MLLT1: variants seen among roughly 807,000 people sequenced by gnomAD.
MLLT1 encodes the protein protein ENL.
A neutral mutation model predicts 55.1 loss-of-function variants in MLLT1; 11 were observed. That is an observed-to-expected ratio of 0.20 (90% CI 0.13 to 0.33). MLLT1 has a LOEUF of 0.33. MLLT1 is among the 10% of genes least tolerant of loss of function. The pLI is 1.00. For missense variants in MLLT1, 536 were observed against 760.6 expected, an observed-to-expected ratio of 0.70 and a Z score of 3.47; for synonymous variants, 323 against 320.1, an observed-to-expected ratio of 1.01 and a Z score of -0.10.
At chr19:6,246,738 G>A (rs1432134504) in intron 3 of MLLT1, among the ~76,000 whole-genome samples, 6 of 152,100 alleles carry the variant, frequency 3.9e-5, no homozygotes, top group South Asian at 2.1e-4. Context: ...TAAACGTCAC[G>A]GAATACAAAT....
chr19:6,216,419 C>G lies in MLLT1; in HGVS notation c.1293G>C (p.Pro431=), dbSNP rs147009998. The G allele has an allele frequency of 2.4e-5, 38 of 1,606,896 alleles. No homozygotes were observed. The highest frequency in any genetic ancestry group is 3.0e-5 in the Non-Finnish European group (35 of 1,177,656). The change falls in exon 8 of 12, where the codon CCG becomes CCC. Residue 431 remains proline, a synonymous_variant. Transcript: ENST00000252674. ...SGEEAAGKTN[P]GRDSRLSFSD... Reference sequence around the variant, plus strand: ...CGGGCCGTCACCTGGAGTCCCTCCCCGGGTTGGTCTTGCCGGCAGCCTCCT... The same window carrying G: ...CGGGCCGTCACCTGGAGTCCCTCCCGGGGTTGGTCTTGCCGGCAGCCTCCT...
chr19:6,270,111 GGCACTCGT>G lies in MLLT1; in HGVS notation c.193+460_193+467del, dbSNP rs2091383105. ...AGACGCTGACAGAATACACGACTGA[GGCACTCGT>G]GCTGAATCAATGACGGCCTGAGGCT... On this transcript the variant is annotated intron_variant, in intron 2 of 11. Coordinates refer to ENST00000252674, the MANE Select transcript of MLLT1 (RefSeq NM_005934.4). This position sits in a 1 kb window ranked among gnomAD's most constrained non-coding sequence, Gnocchi z 7.1. 6.6e-6 allele frequency among the ~76,000 whole-genome samples: 1 copy of G among 152,190 alleles called. No individual in the cohort carries two copies. Among genetic ancestry groups the G allele is most frequent in the African/African-American group, 2.4e-5 (1 of 41,440 alleles).
At chr19:6,268,890 T>C (rs1373014125) in intron 2 of MLLT1, among the ~76,000 whole-genome samples, 1 of 152,168 alleles carries the variant, frequency 6.6e-6, no homozygotes, top group Non-Finnish European at 1.5e-5. Flanking sequence ...CCCCACTCAC[T>C]ACCCCACCTT....
rs79422852 is a variant in MLLT1 at position 6,227,568 on chromosome 19, G to A, written c.421-466C>T. 0.029 allele frequency among the ~76,000 whole-genome samples: 4,483 copies of A among 152,360 alleles called. 115 individuals are homozygous for A. The highest frequency in any genetic ancestry group is 0.046 in the Non-Finnish European group (3,119 of 68,030). On this transcript the variant is annotated intron_variant, in intron 4 of 11. Coordinates refer to ENST00000252674, the MANE Select transcript of MLLT1 (RefSeq NM_005934.4). This position sits in a 1 kb window ranked among gnomAD's most constrained non-coding sequence, Gnocchi z 5.1. ...AACTCCAGTGGGTCCCACGTGCCCG[G>A]AGAATGAGCCGTCCTTGGTGTGCGG...
At chr19:6,260,569 G>T (rs2091295926) in intron 3 of MLLT1, among the ~76,000 whole-genome samples, 1 of 152,266 alleles carries the variant, frequency 6.6e-6, no homozygotes, top group African/African-American at 2.4e-5. Context: ...GCCCACGGCG[G>T]AGCCAGGCAG....
chr19:6,265,762 C>T (rs773287705), intron 2 of MLLT1, among the ~76,000 whole-genome samples: 4 of 152,000 alleles, frequency 2.6e-5, no homozygotes, highest in Admixed American at 2.0e-4. Context: ...AGGCGGATCA[C>T]GAGGTTAACA....
chr19:6,278,865 C>T (rs1486718599), intron 1 of MLLT1, among the ~76,000 whole-genome samples: 2 of 152,090 alleles, frequency 1.3e-5, no homozygotes, highest in African/African-American at 4.8e-5. Flanking sequence ...GGGCCTGAAA[C>T]TAGAAGGGGG....
intron 5 of MLLT1, among the ~76,000 whole-genome samples, chr19:6,225,221 G>A (rs2090944090): frequency 6.6e-6 from 1 of 152,224 alleles, no homozygotes; most frequent in Admixed American, 6.5e-5. Flanking sequence ...GTGAAGTGGG[G>A]ACAAAACCCC....
chr19:6,254,223 A>G (rs1244319023), intron 3 of MLLT1, among the ~76,000 whole-genome samples: 1 of 152,238 alleles, frequency 6.6e-6, no homozygotes. Flanking sequence ...TGGAGTCTCC[A>G]TAAACACCTT....
intron 3 of MLLT1, among the ~76,000 whole-genome samples, chr19:6,241,259 G>A (rs2144898937): frequency 6.6e-6 from 1 of 152,250 alleles, no homozygotes; most frequent in South Asian, 2.1e-4. Context: ...CATCCCGAGA[G>A]CCCGTGTCCC....
rs1211045946 is a variant in MLLT1 at position 6,216,510 on chromosome 19, G to A, written c.1202C>T (p.Pro401Leu). ...FEPSQNHSQG[P>L]LRSMVEDLQS... ...CAGGTCCTCCACCATGGAGCGCAGG[G>A]GTCCTGGGGAGGCGGGGCAGGGAGG... Residue 401 changes from proline to leucine, a missense_variant, in exon 8 of 12, where the codon CCC becomes CTC. By Grantham distance (98) the Pro-to-Leu change is moderately conservative. Transcript: ENST00000252674. 6.3e-7 allele frequency: 1 copy of A among 1,590,674 alleles called. No individual in the cohort carries two copies. Among genetic ancestry groups the A allele is most frequent in the Non-Finnish European group, 8.6e-7 (1 of 1,169,240 alleles).
Position 6,227,566 on chromosome 19 carries a change from C to T in MLLT1, c.421-464G>A, listed in dbSNP as rs750229012. On this transcript the variant is annotated intron_variant, in intron 4 of 11. Coordinates refer to ENST00000252674, the MANE Select transcript of MLLT1 (RefSeq NM_005934.4). This position sits in a 1 kb window ranked among gnomAD's most constrained non-coding sequence, Gnocchi z 5.1. ...GCAACTCCAGTGGGTCCCACGTGCC[C>T]GGAGAATGAGCCGTCCTTGGTGTGC... Among the ~76,000 whole-genome samples the T allele has an allele frequency of 9.9e-5, 15 of 152,220 alleles. No individual in the cohort carries two copies. Among genetic ancestry groups the T allele is most frequent in the Admixed American group, 3.3e-4 (5 of 15,292 alleles).
rs78963381 is a variant in MLLT1 at position 6,257,267 on chromosome 19, G to T, written c.276+4961C>A. Among the ~76,000 whole-genome samples, 317 of 152,242 alleles carry T rather than the reference G, an allele frequency of 2.1e-3. 5 individuals are homozygous for T. The East Asian group carries it at 0.055, about 27-fold the overall frequency. On this transcript the variant is annotated intron_variant, in intron 3 of 11. Coordinates refer to ENST00000252674, the MANE Select transcript of MLLT1 (RefSeq NM_005934.4). ...TCACGCCTGTGATCCCAGCTAGTTG[G>T]GAGGCTGGGGTGGGAGGACTGCTTG...
chr19:6,256,335 C>T lies in MLLT1; in HGVS notation c.276+5893G>A, dbSNP rs554107316. ...TTAGCTGGATGTGGTGGTGCAGGCC[C>T]GTGGTTCCAGCTACCTGGGAGGCTG... On this transcript the variant is annotated intron_variant, in intron 3 of 11. Coordinates refer to ENST00000252674, the MANE Select transcript of MLLT1 (RefSeq NM_005934.4). This position sits in a 1 kb window ranked among gnomAD's most constrained non-coding sequence, Gnocchi z 4.1. Among the ~76,000 whole-genome samples the T allele has an allele frequency of 9.5e-4, 145 of 152,056 alleles. 1 individual carries two copies. Among genetic ancestry groups the T allele is most frequent in the Admixed American group, 5.9e-3 (90 of 15,280 alleles).
At chr19:6,266,419 A>C (rs1284601294) in intron 2 of MLLT1, among the ~76,000 whole-genome samples, 3 of 152,030 alleles carry the variant, frequency 2.0e-5, no homozygotes, top group Admixed American at 2.0e-4. Context: ...ACATGCTAGG[A>C]CTCAAAGGGT....
chr19:6,254,108 C>G (rs1271558031), intron 3 of MLLT1, among the ~76,000 whole-genome samples: 1 of 152,142 alleles, frequency 6.6e-6, no homozygotes, highest in African/African-American at 2.4e-5. Context: ...TGATAGGTGG[C>G]TGGAATTTTC....
At position 6,231,027 on chromosome 19, in the gene MLLT1, C is replaced by T. The variant is rs533599087; in HGVS notation, c.277-314G>A. On this transcript the variant is annotated intron_variant, in intron 3 of 11. Transcript: ENST00000252674. This position sits in a 1 kb window ranked among gnomAD's most constrained non-coding sequence, Gnocchi z 5.1. ...CAGCGCCACTGACAGACAGGGAAAC[C>T]GACGCACAGACACCAACTAACACGT... 5.3e-5 allele frequency among the ~76,000 whole-genome samples: 8 copies of T among 152,192 alleles called. No individual in the cohort carries two copies. The South Asian group carries it at 6.2e-4, about 12-fold the overall frequency.
intron 3 of MLLT1, chr19:6,259,814 A>C (rs1217857170): frequency 6.6e-6 from 1 of 151,500 alleles, no homozygotes; most frequent in East Asian, 1.9e-4. Context: ...AAAAAAAAAA[A>C]AAAAAACAGA....
Position 6,229,580 on chromosome 19 carries a change from G to A in MLLT1, c.420+990C>T, listed in dbSNP as rs929665310. ...ATAACACACGTCACACCATACGTGC[G>A]TGACACACCACACACTTCCCGCAAG... is the stretch of plus-strand genomic sequence containing the variant. On this transcript the variant is annotated intron_variant, in intron 4 of 11. Transcript: ENST00000252674. This position sits in a 1 kb window ranked among gnomAD's most constrained non-coding sequence, Gnocchi z 5.2. 3.3e-5 allele frequency among the ~76,000 whole-genome samples: 5 copies of A among 151,030 alleles called. No individual in the cohort carries two copies. Among genetic ancestry groups the A allele is most frequent in the Admixed American group, 6.6e-5 (1 of 15,188 alleles).
Sources: gnomAD v4.1 joint callset for allele counts (sites outside exome capture counted in the v4.1 genomes callset) on GRCh38, gnomAD v4.1.1 for gene constraint, Gnocchi (gnomAD v3.1) non-coding constraint, MANE v1.5 for transcripts, NCBI Gene and HGNC (gene_info 2026-07-23, HGNC 2026-07-21) for gene names.